The following DENND2A variants were observed in gnomAD, a reference collection of about 807,000 sequenced individuals.
DENND2A encodes DENN domain-containing protein 2A.
Under a neutral mutation model 105.3 loss-of-function variants are expected in DENND2A, and 53 were observed. That is an observed-to-expected ratio of 0.50 (90% CI 0.40 to 0.63). The LOEUF (loss-of-function observed/expected upper bound fraction) is 0.63, where lower values mean the gene tolerates loss of function less well. Among genes scored for constraint, DENND2A ranks in the 30% least tolerant of loss-of-function variants. The probability of loss-of-function intolerance (pLI) is 0.00; values close to 1 mark genes in which losing one functional copy is unlikely to be tolerated. For synonymous variants in DENND2A, 522 were observed against 508.4 expected (o/e 1.03, Z -0.36); for missense variants, 1,138 against 1,279.6 (o/e 0.89, Z 1.69).
chr7:140,572,241 A>C (rs1798122211), intron 6 of DENND2A, among the ~76,000 whole-genome samples: 1 of 151,778 alleles, frequency 6.6e-6, no homozygotes, highest in South Asian at 2.1e-4. Flanking sequence ...TCCTGGGCTA[A>C]AGTGATCCTC....
intron 1 of DENND2A, among the ~76,000 whole-genome samples, chr7:140,615,101 A>T (rs1800035688): frequency 6.6e-6 from 1 of 152,148 alleles, no homozygotes; most frequent in African/African-American, 2.4e-5. Context: ...TCCTGGCCTC[A>T]AGCACTCCTC....
At chr7:140,606,998 C>T (rs1260431277) in intron 1 of DENND2A, among the ~76,000 whole-genome samples, 1 of 152,182 alleles carries the variant, frequency 6.6e-6, no homozygotes, top group Non-Finnish European at 1.5e-5. Context: ...ACAGGATGGG[C>T]CACGCAGTTC....
intron 2 of DENND2A, 31 bp downstream of exon 2, chr7:140,605,674 G>A (rs73736639): frequency 0.011 from 1,679 of 152,242 alleles, 26 homozygotes; most frequent in African/African-American, 0.038. Context: ...CTGGGTCAGC[G>A]TCTACACTCT....
chr7:140,577,170 G>T (rs1798334206), intron 5 of DENND2A, among the ~76,000 whole-genome samples: 1 of 152,170 alleles, frequency 6.6e-6, no homozygotes, highest in East Asian at 1.9e-4. Context: ...ATATTTATTT[G>T]ATAGAATGGG....
At chr7:140,587,616 A>T (rs773627086) in intron 4 of DENND2A, 37 bp downstream of exon 4, 2 of 1,611,648 alleles carry the variant, frequency 1.2e-6, no homozygotes, top group Non-Finnish European at 1.7e-6. Context: ...TCTCCCAGAC[A>T]GACTCAGATC....
intron 14 of DENND2A, among the ~76,000 whole-genome samples, chr7:140,528,914 G>A (rs1796157439): frequency 6.6e-6 from 1 of 152,092 alleles, no homozygotes; most frequent in Non-Finnish European, 1.5e-5. Context: ...GACCAGGCTG[G>A]CCAACATGGT....
At chr7:140,623,500 C>T (rs28498721) in intron 1 of DENND2A, among the ~76,000 whole-genome samples, 51,912 of 150,980 alleles carry the variant, frequency 0.34, 9,410 homozygotes, top group African/African-American at 0.47. Flanking sequence ...GAGGCCGAGG[C>T]GGGCAGATTA....
intron 5 of DENND2A, among the ~76,000 whole-genome samples, chr7:140,581,828 C>G (rs776960000): frequency 6.6e-6 from 1 of 152,228 alleles, no homozygotes; most frequent in Non-Finnish European, 1.5e-5. Context: ...TTCTCACCTA[C>G]TGGGCTTAGC....
At chr7:140,541,366 C>T (rs1193786890) in intron 14 of DENND2A, among the ~76,000 whole-genome samples, 1 of 152,052 alleles carries the variant, frequency 6.6e-6, no homozygotes, top group Non-Finnish European at 1.5e-5. Flanking sequence ...GGGTCCTCCC[C>T]AAGTCTAGCA....
intron 15 of DENND2A, among the ~76,000 whole-genome samples, chr7:140,526,268 C>T (rs1231040314): frequency 6.6e-6 from 1 of 152,170 alleles, no homozygotes; most frequent in Non-Finnish European, 1.5e-5. Flanking sequence ...GCTTTCACTG[C>T]TGAAGGCTTT....
chr7:140,615,360 A>G (rs1267174380), intron 1 of DENND2A, among the ~76,000 whole-genome samples: 1 of 152,224 alleles, frequency 6.6e-6, no homozygotes, highest in Non-Finnish European at 1.5e-5. Context: ...ACCGGGGGAC[A>G]TATTTGGCAA....
At chr7:140,631,066 C>T (rs1296759151) in intron 1 of DENND2A, among the ~76,000 whole-genome samples, 2 of 152,088 alleles carry the variant, frequency 1.3e-5, no homozygotes, top group African/African-American at 4.8e-5. Context: ...CATCACTGCA[C>T]CCATTTTACA....
In DENND2A at chr7:140,555,697, T is replaced by C. The variant is rs759816693; in HGVS notation, c.1976A>G (p.Lys659Arg). 6.2e-7 allele frequency: 1 copy of C among 1,606,942 alleles called. No individual in the cohort carries two copies. Among genetic ancestry groups the C allele is most frequent in the African/African-American group, 1.3e-5 (1 of 74,312 alleles). Residue 659 changes from lysine (K) to arginine (R), a missense_variant, in exon 12 of 20, where the codon AAG becomes AGG. Physicochemically the swap from Lys to Arg is conservative, Grantham distance 26. Coordinates refer to ENST00000496613, the MANE Select transcript of DENND2A (RefSeq NM_015689.5). ...CRRLLPGGKG[K>R]RLPEVYCIVS... is the part of the protein sequence containing the mutation. ...AATGCAGTAAACTTCAGGAAGGCGC[T>C]TCCCTTTGCCTCCAGGCTTTTCGGA...
rs531868946 is a variant in DENND2A, at chr7:140,524,753, A to AT, written c.2547+997dup. Among the ~76,000 whole-genome samples the AT allele has an allele frequency of 4.7e-5, 7 of 149,808 alleles. No individual in the cohort carries two copies. The South Asian group carries it at 8.5e-4, about 18-fold the overall frequency. ...ACCAGCAGGCCTGGGTAATTTTTTA[A>AT]TTTTTTTATAGACACAAGGGTCTCA... On this transcript the variant is annotated intron_variant, in intron 16 of 19. Coordinates refer to ENST00000496613, the MANE Select transcript of DENND2A (RefSeq NM_015689.5).
intron 5 of DENND2A, among the ~76,000 whole-genome samples, chr7:140,579,293 AAAT>A (rs199505480): frequency 1.6e-4 from 25 of 151,878 alleles, no homozygotes; most frequent in Admixed American, 3.9e-4. Flanking sequence ...CTCTGTCTCA[AAAT>A]AATAATAATA....
At chr7:140,588,093 T>C (rs1320876414) in intron 3 of DENND2A, among the ~76,000 whole-genome samples, 2 of 152,082 alleles carry the variant, frequency 1.3e-5, no homozygotes, top group Non-Finnish European at 2.9e-5. Flanking sequence ...GTATTTTTAG[T>C]AGAGACAAAG....
At chr7:140,590,347 G>A (rs1214207494) in intron 3 of DENND2A, among the ~76,000 whole-genome samples, 6 of 151,980 alleles carry the variant, frequency 3.9e-5, no homozygotes, top group Admixed American at 2.6e-4. Context: ...CTGAGATTGC[G>A]CCACTGCACT....
At chr7:140,526,688 C>T (rs1796067040) in intron 15 of DENND2A, among the ~76,000 whole-genome samples, 1 of 152,218 alleles carries the variant, frequency 6.6e-6, no homozygotes, top group East Asian at 1.9e-4. Context: ...TTAGGACTAT[C>T]TGGGCAATTA....
chr7:140,554,796 C>T (rs968999711), intron 12 of DENND2A, among the ~76,000 whole-genome samples: 2 of 152,126 alleles, frequency 1.3e-5, no homozygotes, highest in African/African-American at 2.4e-5. Flanking sequence ...TTCAATACGG[C>T]AATTCCTATG....
Sources: allele counts gnomAD v4.1 joint callset (sites outside exome capture counted in the v4.1 genomes callset), GRCh38; gene constraint gnomAD v4.1.1; transcripts MANE v1.5; gene names NCBI Gene and HGNC (gene_info 2026-07-23, HGNC 2026-07-21).